Variants in HNRNPCL1 observed in about 807,000 individuals in gnomAD.
The protein encoded by HNRNPCL1 is heterogeneous nuclear ribonucleoprotein C-like 1.
Under a neutral mutation model 19.0 loss-of-function variants are expected in HNRNPCL1, and 15 were observed. The ratio of observed to expected loss-of-function variants is 0.79; its 90% CI spans 0.53 to 1.22. The LOEUF (loss-of-function observed/expected upper bound fraction) is 1.22, where lower values mean the gene tolerates loss of function less well. Among genes scored for constraint, HNRNPCL1 ranks in the 50% most tolerant of loss-of-function variants. The pLI, the probability that HNRNPCL1 is intolerant of heterozygous loss-of-function variation, is 0.00. For synonymous variants in HNRNPCL1, 110 were observed against 129.1 expected (o/e 0.85, Z 1.00); for missense variants, 327 against 354.7 (o/e 0.92, Z 0.63).
Position 12,847,476 on chromosome 1 carries a change from C to T in HNRNPCL1, c.814G>A (p.Asp272Asn), listed in dbSNP as rs2359490. 5.7e-4 allele frequency: 922 copies of T among 1,606,676 alleles called. 46 individuals carry two copies. The South Asian group carries it at 9.4e-3, about 16-fold the overall frequency. ...QGDDQLELIK[D>N]DEKEAEEGED... ...CCTTCCTCAGCCTCTTTTTCATCAT[C>T]CTTGATCAACTCCAGCTGGTCATCC... Residue 272 changes from aspartate (D) to asparagine (N), a missense_variant, in exon 2 of 2, where the codon GAT (aspartate) becomes AAT (asparagine). Coordinates refer to ENST00000317869, the MANE Select transcript of HNRNPCL1 (RefSeq NM_001013631.3).
Position 12,847,514 on chromosome 1 carries a change from T to G in HNRNPCL1, c.776A>C (p.Asn259Thr), listed in dbSNP as rs769857662. ...EEGDPLDDDV[N>T]EDQGDDQLEL... ...CAGCTGGTCATCCCCCTGATCTTCA[T>G]TAACATCATCATCCAGTGGGTCCCC... Residue 259 changes from asparagine to threonine, a missense_variant, in exon 2 of 2, where the codon AAT (asparagine) becomes ACT (threonine). This residue lies in a region of HNRNPCL1 where 281 missense variants were observed against 254.7 expected (regional missense o/e 1.10). Coordinates refer to ENST00000317869, the MANE Select transcript of HNRNPCL1 (RefSeq NM_001013631.3). 1.9e-6 allele frequency: 3 copies of G among 1,606,740 alleles called. No individual in the cohort carries two copies. The highest frequency in any genetic ancestry group is 2.5e-6 in the Non-Finnish European group (3 of 1,176,658).
At position 12,847,999 on chromosome 1, in the gene HNRNPCL1, C is replaced by T. The variant is rs981909786; in HGVS notation, c.291G>A (p.Val97=). The T allele has an allele frequency of 1.2e-6, 2 of 1,607,694 alleles. No individual in the cohort carries two copies. The highest frequency in any genetic ancestry group is 1.7e-6 in the Non-Finnish European group (2 of 1,177,060). ...EPKVNRGNAG[V]KRSAAEMYGS... ...CGTACATCTCCGCTGCTGATCGTTT[C>T]ACACCTGCGTTTCCTCGGTTCACTT... Residue 97 remains valine, a synonymous_variant, in exon 2 of 2, where the codon GTG becomes GTA. Transcript: ENST00000317869.
rs1640306305 is a variant in HNRNPCL1 at position 12,848,332 on chromosome 1, G to A, written c.-43C>T. 7.1e-7 allele frequency: 1 copy of A among 1,416,210 alleles called. No individual in the cohort carries two copies. Among genetic ancestry groups the A allele is most frequent in the South Asian group, 1.5e-5 (1 of 67,062 alleles). 87.7% of individuals were successfully genotyped at this position (1,416,210 alleles called of 1,614,324 possible). A position where few individuals can be genotyped will look rare whatever the true frequency, so the allele number is the denominator to read the frequency against. On this transcript the variant is annotated 5_prime_UTR_variant, in exon 2 of 2. Transcript: ENST00000317869. ...TTTCTCAAAAAGCCAAAAACAGGAG[G>A]CGGGAGGGAGAAGAGATTCGATTCT... is the stretch of plus-strand genomic sequence containing the variant.
At position 12,847,994 on chromosome 1, in the gene HNRNPCL1, C is replaced by G. The variant is rs150230498; in HGVS notation, c.296G>C (p.Arg99Pro). ...GGAGCCGTACATCTCCGCTGCTGAT[C>G]GTTTCACACCTGCGTTTCCTCGGTT... ...KVNRGNAGVK[R>P]SAAEMYGSSF... Residue 99 changes from arginine (R) to proline (P), a missense_variant, in exon 2 of 2, where the codon CGA becomes CCA. Arg to Pro is a moderately radical substitution (Grantham distance 103, BLOSUM62 -2). Transcript: ENST00000317869. 6.2e-7 allele frequency: 1 copy of G among 1,607,606 alleles called. No homozygotes were observed. Among genetic ancestry groups the G allele is most frequent in the Admixed American group, 1.7e-5 (1 of 58,072 alleles).
chr1:12,847,766 A>C lies in HNRNPCL1; in HGVS notation c.524T>G (p.Leu175Trp). Reference sequence around the variant, plus strand: ...AATGGCCTGAAGGTCATCACCTTTCAACTTTCCAGACTTGGAAGATCCCCG... The same window carrying C: ...AATGGCCTGAAGGTCATCACCTTTCCACTTTCCAGACTTGGAAGATCCCCG... ...GKRGSSKSGK[L>W]KGDDLQAIKQ... The change falls in exon 2 of 2, where the codon TTG becomes TGG. Residue 175 changes from leucine to tryptophan, a missense_variant. Transcript: ENST00000317869. 1 of 1,606,740 alleles carries C rather than the reference A, an allele frequency of 6.2e-7. No individual in the cohort carries two copies. The highest frequency in any genetic ancestry group is 2.2e-5 in the East Asian group (1 of 44,684).
In HNRNPCL1 at chr1:12,848,317, AGCCAAAAACAGGAG is replaced by A; in HGVS notation, c.-42_-29del. ...TGTTGGATGATAAGGTTTCTCAAAA[AGCCAAAAACAGGAG>A]GCGGGAGGGAGAAGAGATTCGATTC... On this transcript the variant is annotated 5_prime_UTR_variant, in exon 2 of 2. Coordinates refer to ENST00000317869, the MANE Select transcript of HNRNPCL1 (RefSeq NM_001013631.3). 2.2e-6 allele frequency: 3 copies of A among 1,393,936 alleles called. No homozygotes were observed. Among genetic ancestry groups the A allele is most frequent in the Non-Finnish European group, 2.9e-6 (3 of 1,047,452 alleles). 86.3% of individuals were successfully genotyped at this position (1,393,936 alleles called of 1,614,324 possible).
Position 12,847,855 on chromosome 1 carries a change from A to G in HNRNPCL1, c.435T>C (p.Arg145=), listed in dbSNP as rs4026149. ...PIALAVVPSK[R]QRLSGNTSRR... is the part of the protein sequence containing the mutation. Reference sequence around the variant, plus strand: ...GTGAGGTGTTTCCTGATAGACGTTGACGTTTCGAGGGCACTACAGCCAGAG... The same window carrying G: ...GTGAGGTGTTTCCTGATAGACGTTGGCGTTTCGAGGGCACTACAGCCAGAG... Residue 145 remains arginine (R), a synonymous_variant, in exon 2 of 2, where the codon CGT becomes CGC. Coordinates refer to ENST00000317869, the MANE Select transcript of HNRNPCL1 (RefSeq NM_001013631.3). 9.6e-5 allele frequency: 154 copies of G among 1,606,296 alleles called. 9 individuals are homozygous for G. Among genetic ancestry groups the G allele is most frequent in the South Asian group, 5.1e-4 (46 of 90,378 alleles).
In HNRNPCL1 at chr1:12,847,826, C is replaced by T. The variant is rs778517028; in HGVS notation, c.464G>A (p.Arg155Lys). ...RQRLSGNTSRRGKSGFNSKSG... is the reference protein window; with the variant it reads ...RQRLSGNTSRKGKSGFNSKSG... ...CTTAGAATTGAAGCCACTTTTGCCCCTTCGTGAGGTGTTTCCTGATAGACG... is the reference window on the plus strand; with the variant it reads ...CTTAGAATTGAAGCCACTTTTGCCCTTTCGTGAGGTGTTTCCTGATAGACG... The change falls in exon 2 of 2, where the codon AGG becomes AAG. Residue 155 changes from arginine (R) to lysine (K), a missense_variant. Physicochemically the swap from Arg to Lys is conservative, Grantham distance 26. This residue lies in a region of HNRNPCL1 where 281 missense variants were observed against 254.7 expected (regional missense o/e 1.10). Coordinates refer to ENST00000317869, the MANE Select transcript of HNRNPCL1 (RefSeq NM_001013631.3). 5.6e-6 allele frequency: 9 copies of T among 1,606,554 alleles called. No homozygotes were observed. Among genetic ancestry groups the T allele is most frequent in the Non-Finnish European group, 6.8e-6 (8 of 1,176,588 alleles).
At position 12,847,747 on chromosome 1, in the gene HNRNPCL1, C is replaced by A. The variant is rs780912500; in HGVS notation, c.543G>T (p.Gln181His). 2.5e-6 allele frequency: 4 copies of A among 1,606,676 alleles called. No homozygotes were observed. The South Asian group carries it at 3.3e-5, about 13-fold the overall frequency. ...TCTGGGTCAACTCCTGCTTAATGGC[C>A]TGAAGGTCATCACCTTTCAACTTTC... ...KSGKLKGDDL[Q>H]AIKQELTQIK... The change falls in exon 2 of 2, where the codon CAG becomes CAT. Residue 181 changes from glutamine (Q) to histidine (H), a missense_variant. By Grantham distance (24) the Gln-to-His change is conservative. Around this residue, in one of 2 missense-constraint regions of HNRNPCL1, gnomAD observed 281 missense variants for 254.7 expected, o/e 1.10. Transcript: ENST00000317869.
chr1:12,848,269 G>A lies in HNRNPCL1; in HGVS notation c.21C>T (p.Asn7=). MASNVT[N]KMDPHSMNSR... is the part of the protein sequence containing the mutation. The stretch of plus-strand genomic sequence containing the variant: ...AGTTCATGGAGTGAGGATCCATCTT[G>A]TTGGTAACGTTGCTGGCCATTGTGT... Residue 7 remains asparagine, a synonymous_variant, in exon 2 of 2, where the codon AAC becomes AAT. Transcript: ENST00000317869. 6.7e-7 allele frequency: 1 copy of A among 1,485,356 alleles called. No homozygotes were observed. Among genetic ancestry groups the A allele is most frequent in the Non-Finnish European group, 9.0e-7 (1 of 1,110,988 alleles). 92.0% of individuals were successfully genotyped at this position (1,485,356 alleles called of 1,614,324 possible).
chr1:12,848,532 A>C, intron 1 of HNRNPCL1, 62 bp from the exon 2 acceptor site: 1 of 819,486 alleles, frequency 1.2e-6, no homozygotes, highest in Non-Finnish European at 1.8e-6. Flanking sequence ...TTGCATTTAG[A>C]AAAAAAATCA....
chr1:12,848,375 G>A lies in HNRNPCL1; in HGVS notation c.-86C>T, dbSNP rs1342826390. On this transcript the variant is annotated 5_prime_UTR_variant, in exon 2 of 2. Transcript: ENST00000317869. ...TCGATTCTAAGTCTCCTACTGCCGG[G>A]TTCTACGGGGAGAAACTGACTGCGG... 7 of 1,457,914 alleles carry A rather than the reference G, an allele frequency of 4.8e-6. No individual in the cohort carries two copies. In the South Asian group the frequency reaches 5.8e-5, roughly 12 times the overall value. The allele number at this position is 1,457,914 out of a possible 1,614,324, so 90.3% of individuals were successfully genotyped here.
chr1:12,847,879 A>C lies in HNRNPCL1; in HGVS notation c.411T>G (p.Ala137=), dbSNP rs757925799. ...GACGTTTCGAGGGCACTACAGCCAG[A>C]GCAATGGGAGGAGGAGGAGGTACAC... ...PARVPPPPPI[A]LAVVPSKRQR... is the part of the protein sequence containing the mutation. The change falls in exon 2 of 2, where the codon GCT becomes GCG. Residue 137 remains alanine (A), a synonymous_variant. Transcript: ENST00000317869. 1.2e-6 allele frequency: 2 copies of C among 1,606,600 alleles called. No homozygotes were observed. Among genetic ancestry groups the C allele is most frequent in the Non-Finnish European group, 1.7e-6 (2 of 1,176,554 alleles).
In HNRNPCL1 at chr1:12,847,731, A is replaced by G. The variant is rs757077452; in HGVS notation, c.559T>C (p.Leu187=). The G allele has an allele frequency of 6.2e-6, 10 of 1,606,052 alleles. 1 individual carries two copies. The African/African-American group carries it at 1.4e-4, about 22-fold the overall frequency. The change falls in exon 2 of 2, where the codon TTG becomes CTG. Residue 187 remains leucine, a synonymous_variant. Transcript: ENST00000317869. ...TCCACTTTCTGTTTTATCTGGGTCA[A>G]CTCCTGCTTAATGGCCTGAAGGTCA... ...GDDLQAIKQE[L]TQIKQKVDSL...
In HNRNPCL1 at chr1:12,847,762, T is replaced by A; in HGVS notation, c.528A>T (p.Lys176Asn). 1 of 1,606,916 alleles carries A rather than the reference T, an allele frequency of 6.2e-7. No individual in the cohort carries two copies. Among genetic ancestry groups the A allele is most frequent in the South Asian group, 1.1e-5 (1 of 90,476 alleles). The change falls in exon 2 of 2, where the codon AAA becomes AAT. Residue 176 changes from lysine to asparagine, a missense_variant. Lys to Asn is a moderately conservative substitution (Grantham distance 94). Coordinates refer to ENST00000317869, the MANE Select transcript of HNRNPCL1 (RefSeq NM_001013631.3). ...KRGSSKSGKL[K>N]GDDLQAIKQE... ...GCTTAATGGCCTGAAGGTCATCACCTTTCAACTTTCCAGACTTGGAAGATC... is the reference window on the plus strand; with the variant it reads ...GCTTAATGGCCTGAAGGTCATCACCATTCAACTTTCCAGACTTGGAAGATC...
At position 12,847,595 on chromosome 1, in the gene HNRNPCL1, T is replaced by C; in HGVS notation, c.695A>G (p.Asp232Gly). The change falls in exon 2 of 2, where the codon GAT (aspartate) becomes GGT (glycine). Residue 232 changes from aspartate (D) to glycine (G), a missense_variant. By Grantham distance (94) the Asp-to-Gly change is moderately conservative. Around this residue, in one of 2 missense-constraint regions of HNRNPCL1, gnomAD observed 281 missense variants for 254.7 expected, o/e 1.10. Coordinates refer to ENST00000317869, the MANE Select transcript of HNRNPCL1 (RefSeq NM_001013631.3). ...EEQSSSSMKK[D>G]ETHVKMESEG... ...AGACTCCATCTTCACATGAGTCTCA[T>C]CTTTCTTCATGGAGCTACTGCTCTG... The C allele has an allele frequency of 6.2e-7, 1 of 1,606,728 alleles. No individual in the cohort carries two copies.
At position 12,847,404 on chromosome 1, in the gene HNRNPCL1, G is replaced by T. The variant is rs1487204151; in HGVS notation, c.*4C>A. On this transcript the variant is annotated 3_prime_UTR_variant, in exon 2 of 2. Transcript: ENST00000317869. ...GGATAAGATTTCTCAACCCCACTAT[G>T]TGCTTAAGAGTCATCCTGGCCATTG... The T allele has an allele frequency of 1.2e-6, 2 of 1,606,514 alleles. No homozygotes were observed. Among genetic ancestry groups the T allele is most frequent in the Non-Finnish European group, 8.5e-7 (1 of 1,176,568 alleles).
Position 12,847,592 on chromosome 1 carries a change from T to C in HNRNPCL1, c.698A>G (p.Glu233Gly). The C allele has an allele frequency of 6.2e-7, 1 of 1,606,668 alleles. No individual in the cohort carries two copies. Among genetic ancestry groups the C allele is most frequent in the Non-Finnish European group, 8.5e-7 (1 of 1,176,620 alleles). The change falls in exon 2 of 2, where the codon GAG becomes GGG. Residue 233 changes from glutamate (E) to glycine (G), a missense_variant. Around this residue, in one of 2 missense-constraint regions of HNRNPCL1, gnomAD observed 281 missense variants for 254.7 expected, o/e 1.10. Coordinates refer to ENST00000317869, the MANE Select transcript of HNRNPCL1 (RefSeq NM_001013631.3). ...CTCAGACTCCATCTTCACATGAGTC[T>C]CATCTTTCTTCATGGAGCTACTGCT... ...EQSSSSMKKD[E>G]THVKMESEGG...
chr1:12,848,212 A>G lies in HNRNPCL1; in HGVS notation c.78T>C (p.Leu26=). ...SRVFIGNLNT[L]VVKKSDVEAI... ...CCTCCACATCCGATTTCTTGACAACAAGAGTGTTGAGATTCCCAATGAACA... is the reference window on the plus strand; with the variant it reads ...CCTCCACATCCGATTTCTTGACAACGAGAGTGTTGAGATTCCCAATGAACA... Residue 26 remains leucine, a synonymous_variant, in exon 2 of 2, where the codon CTT becomes CTC. Coordinates refer to ENST00000317869, the MANE Select transcript of HNRNPCL1 (RefSeq NM_001013631.3). The G allele has an allele frequency of 1.3e-6, 2 of 1,569,768 alleles. No individual in the cohort carries two copies. The highest frequency in any genetic ancestry group is 1.1e-5 in the South Asian group (1 of 86,972).
Sources: allele counts gnomAD v4.1 joint callset, GRCh38; gene constraint gnomAD v4.1.1; regional missense constraint gnomAD v4.1.1; transcripts MANE v1.5; gene names NCBI Gene and HGNC (gene_info 2026-07-23, HGNC 2026-07-21).